ENAH: variants seen among roughly 807,000 people sequenced by gnomAD.
The protein encoded by ENAH is protein enabled homolog.
Under a neutral mutation model 78.7 loss-of-function variants are expected in ENAH, and 23 were observed. That is an observed-to-expected ratio of 0.29 (90% CI 0.21 to 0.41). ENAH has a LOEUF of 0.41. Among genes scored for constraint, ENAH ranks in the 10% least tolerant of loss-of-function variants. The pLI, the probability that ENAH is intolerant of heterozygous loss-of-function variation, is 1.00. For synonymous variants in ENAH, 226 were observed against 241.0 expected (o/e 0.94, Z 0.58); for missense variants, 544 against 691.0 (o/e 0.79, Z 2.39).
intron 4 of ENAH, among the ~76,000 whole-genome samples, chr1:225,528,983 A>G (rs1208027877): frequency 6.6e-6 from 1 of 151,586 alleles, no homozygotes; most frequent in Non-Finnish European, 1.5e-5. Context: ...CACTTCTATC[A>G]CCTGGGGGAA....
At chr1:225,583,307 G>A (rs1489774316) in intron 1 of ENAH, among the ~76,000 whole-genome samples, 2 of 151,542 alleles carry the variant, frequency 1.3e-5, no homozygotes, top group African/African-American at 4.9e-5. Flanking sequence ...ATGATGGCGG[G>A]TGCCTGTAAT....
rs751732076 is a variant in ENAH, at chr1:225,517,476, A to G, written c.803-170T>C. 3 of 1,551,470 alleles carry G rather than the reference A, an allele frequency of 1.9e-6. No individual in the cohort carries two copies. In the African/African-American group the frequency reaches 4.1e-5, roughly 21 times the overall value. ...CTGAGGTAGGCGGTGGAGACACTGG[A>G]TATGTTACAGAGTCAACCAGCCCAT... On this transcript the variant is annotated intron_variant, in intron 5 of 13. Coordinates refer to ENST00000366843, the MANE Select transcript of ENAH (RefSeq NM_018212.6).
At chr1:225,630,892 C>A (rs1010645349) in intron 1 of ENAH, among the ~76,000 whole-genome samples, 7 of 152,136 alleles carry the variant, frequency 4.6e-5, no homozygotes, top group African/African-American at 1.2e-4. Context: ...CCTGTTACAG[C>A]AACAAAACAA....
chr1:225,508,093 T>A, intron 10 of ENAH, 76 bp from the exon 11 acceptor site: 3 of 886,328 alleles, frequency 3.4e-6, no homozygotes, highest in Non-Finnish European at 5.0e-6. Context: ...AACAAAATAC[T>A]AAATCTCATT....
intron 1 of ENAH, among the ~76,000 whole-genome samples, chr1:225,615,340 C>T (rs1288389885): frequency 6.6e-6 from 1 of 152,220 alleles, no homozygotes; most frequent in East Asian, 1.9e-4. Flanking sequence ...CTCCCTCACT[C>T]AGTGCTCAAT....
At chr1:225,501,584 G>T (rs944999836) in intron 11 of ENAH, among the ~76,000 whole-genome samples, 2 of 152,172 alleles carry the variant, frequency 1.3e-5, no homozygotes, top group Admixed American at 1.3e-4. Context: ...CATTTTTAGT[G>T]AGCATGATTT....
At chr1:225,646,569 C>T (rs539703831) in intron 1 of ENAH, among the ~76,000 whole-genome samples, 1 of 152,086 alleles carries the variant, frequency 6.6e-6, no homozygotes, top group Non-Finnish European at 1.5e-5. Flanking sequence ...TGTAATCCCA[C>T]GAGGTCAGGA....
At chr1:225,644,997 G>A (rs979044767) in intron 1 of ENAH, among the ~76,000 whole-genome samples, 10 of 152,148 alleles carry the variant, frequency 6.6e-5, no homozygotes. Context: ...CAAAGAGATG[G>A]CTGGCTGTCT....
chr1:225,504,336 C>T (rs1376011416), intron 11 of ENAH, among the ~76,000 whole-genome samples: 1 of 151,968 alleles, frequency 6.6e-6, no homozygotes, highest in East Asian at 1.9e-4. Flanking sequence ...ATGATGAGAG[C>T]GTTGCCTTTA....
intron 3 of ENAH, among the ~76,000 whole-genome samples, chr1:225,544,442 G>A (rs2096603735): frequency 6.6e-6 from 1 of 152,128 alleles, no homozygotes; most frequent in South Asian, 2.1e-4. Context: ...AGATTATAAG[G>A]TGCCTAACTG....
intron 4 of ENAH, among the ~76,000 whole-genome samples, chr1:225,524,366 A>G (rs1461554276): frequency 6.6e-6 from 1 of 152,238 alleles, no homozygotes. Context: ...AATGATTTCA[A>G]TTTTAACAAA....
At chr1:225,591,130 T>C (rs918466047) in intron 1 of ENAH, among the ~76,000 whole-genome samples, 8 of 152,214 alleles carry the variant, frequency 5.3e-5, no homozygotes, top group African/African-American at 1.2e-4. Context: ...ATCAGAATCA[T>C]TGGCACATGG....
chr1:225,598,908 G>C (rs1211375392), intron 1 of ENAH, among the ~76,000 whole-genome samples: 2 of 151,694 alleles, frequency 1.3e-5, no homozygotes, highest in African/African-American at 4.8e-5. Flanking sequence ...TAGTTATTCA[G>C]TTTCAAAGCA....
At chr1:225,615,122 C>T (rs1467964660) in intron 1 of ENAH, among the ~76,000 whole-genome samples, 1 of 152,174 alleles carries the variant, frequency 6.6e-6, no homozygotes, top group Admixed American at 6.5e-5. Flanking sequence ...GCCGCCATCT[C>T]GGCTCACTGC....
At chr1:225,506,255 T>C (rs1399865513) in intron 11 of ENAH, among the ~76,000 whole-genome samples, 1 of 152,166 alleles carries the variant, frequency 6.6e-6, no homozygotes, top group African/African-American at 2.4e-5. Flanking sequence ...TAGCGCGATA[T>C]CAGCTCACTG....
intron 2 of ENAH, 22 bp downstream of exon 2, chr1:225,567,227 A>C (rs368954334): frequency 1.2e-6 from 2 of 1,602,950 alleles, no homozygotes; most frequent in South Asian, 1.1e-5. Flanking sequence ...CATTTTTAAC[A>C]ACAATTGTAG....
chr1:225,617,874 C>G (rs780688640), intron 1 of ENAH, among the ~76,000 whole-genome samples: 7 of 152,180 alleles, frequency 4.6e-5, no homozygotes, highest in African/African-American at 7.2e-5. Context: ...TAATTTTGAA[C>G]TGAAAGGTTC....
chr1:225,594,198 A>T (rs1276331456), intron 1 of ENAH, among the ~76,000 whole-genome samples: 2 of 152,220 alleles, frequency 1.3e-5, no homozygotes, highest in Non-Finnish European at 2.9e-5. Context: ...TGTGAAAGTG[A>T]CAGGCACATG....
chr1:225,495,467 T>G lies in ENAH; in HGVS notation c.*2308A>C, dbSNP rs1056461105. The G allele has an allele frequency of 6.9e-4, 104 of 150,504 alleles. 1 individual carries two copies. The highest frequency in any genetic ancestry group is 2.3e-3 in the African/African-American group (96 of 40,870). 9.3% of individuals were successfully genotyped at this position (150,504 alleles called of 1,614,324 possible). ...ATGATTCAACACTGGTTTTTTTTTT[T>G]TTTTTTTTTTGTCAGTTTACACATA... is the stretch of plus-strand genomic sequence containing the variant. On this transcript the variant is annotated 3_prime_UTR_variant, in exon 14 of 14. Transcript: ENST00000366843.
Sources: gnomAD v4.1 joint callset for allele counts (sites outside exome capture counted in the v4.1 genomes callset) on GRCh38, gnomAD v4.1.1 for gene constraint, MANE v1.5 for transcripts, NCBI Gene and HGNC (gene_info 2026-07-23, HGNC 2026-07-21) for gene names.